RERE: variants seen among roughly 807,000 people sequenced by gnomAD.
The protein encoded by RERE is arginine-glutamic acid dipeptide repeats.
Under a neutral mutation model 146.1 loss-of-function variants are expected in RERE, and 40 were observed. The ratio of observed to expected loss-of-function variants is 0.27; its 90% CI spans 0.21 to 0.36. The LOEUF (loss-of-function observed/expected upper bound fraction) is 0.36, where lower values mean the gene tolerates loss of function less well. RERE is among the 10% of genes least tolerant of loss of function. RERE has a pLI of 1.00. For missense variants in RERE, 1,933 were observed against 2,138.7 expected, an observed-to-expected ratio of 0.90 and a Z score of 1.90; for synonymous variants, 1,003 against 866.0, an observed-to-expected ratio of 1.16 and a Z score of -2.78.
chr1:8,407,086 G>C (rs1643466078), intron 12 of RERE, among the ~76,000 whole-genome samples: 1 of 152,216 alleles, frequency 6.6e-6, no homozygotes, highest in African/African-American at 2.4e-5. Context: ...CAGTGTTTGG[G>C]GCAGGCATTC....
At chr1:8,686,770 A>G (rs1639097879) in intron 1 of RERE, among the ~76,000 whole-genome samples, 1 of 152,196 alleles carries the variant, frequency 6.6e-6, no homozygotes, top group Non-Finnish European at 1.5e-5. Flanking sequence ...ATAAAGGTGT[A>G]GTTTGTGATG....
At chr1:8,428,891 T>C (rs1338236874) in intron 11 of RERE, among the ~76,000 whole-genome samples, 1 of 152,174 alleles carries the variant, frequency 6.6e-6, no homozygotes, top group East Asian at 1.9e-4. Flanking sequence ...CCCCCTGTCA[T>C]AGTCCCCCAA....
At chr1:8,426,320 G>C (rs928935065) in intron 11 of RERE, among the ~76,000 whole-genome samples, 5 of 152,036 alleles carry the variant, frequency 3.3e-5, no homozygotes, top group African/African-American at 1.2e-4. Context: ...TGGGCATGGT[G>C]GTGGGCGCCT....
chr1:8,387,015 GAAT>G (rs1642701827), intron 12 of RERE, among the ~76,000 whole-genome samples: 3 of 152,228 alleles, frequency 2.0e-5, no homozygotes, highest in Admixed American at 2.0e-4. Context: ...TTTTAAAGAA[GAAT>G]AAAGTGCCAC....
chr1:8,400,967 A>C lies in RERE; in HGVS notation c.1284+21760T>G, dbSNP rs538353403. 2.5e-4 allele frequency among the ~76,000 whole-genome samples: 34 copies of C among 136,280 alleles called. No individual in the cohort carries two copies. In the East Asian group the frequency reaches 5.7e-3, roughly 23 times the overall value. The allele number at this position is 136,280 out of a possible 152,430, so 89.4% of individuals were successfully genotyped here. On this transcript the variant is annotated intron_variant, in intron 12 of 22. Transcript: ENST00000400908. ...CAGGAGGTTGAGGCTGCAGTGAGCC[A>C]TGACTGCACCACTGCACTCCAGCCT...
intron 1 of RERE, among the ~76,000 whole-genome samples, chr1:8,785,351 A>T (rs59092168): frequency 0.053 from 8,008 of 152,258 alleles, 222 homozygotes; most frequent in South Asian, 0.066. Flanking sequence ...ATACAATCAC[A>T]CCAAACACCA....
At chr1:8,736,402 T>C (rs995744669) in intron 1 of RERE, among the ~76,000 whole-genome samples, 1 of 151,898 alleles carries the variant, frequency 6.6e-6, no homozygotes, top group African/African-American at 2.4e-5. Context: ...AGAGACGGGG[T>C]TTCACCGTCT....
chr1:8,597,278 G>A (rs1350595050), intron 4 of RERE, among the ~76,000 whole-genome samples: 2 of 151,772 alleles, frequency 1.3e-5, no homozygotes, highest in Non-Finnish European at 2.9e-5. Flanking sequence ...TTATAGTGAC[G>A]GGGTTTTGCC....
chr1:8,461,631 T>G (rs1432333711), intron 11 of RERE, among the ~76,000 whole-genome samples: 1 of 152,148 alleles, frequency 6.6e-6, no homozygotes, highest in Non-Finnish European at 1.5e-5. Flanking sequence ...AGGAACATCA[T>G]ACACGCACAC....
At chr1:8,606,115 C>G (rs1646705842) in intron 4 of RERE, among the ~76,000 whole-genome samples, 1 of 152,020 alleles carries the variant, frequency 6.6e-6, no homozygotes, top group Non-Finnish European at 1.5e-5. Context: ...CACACCCAGC[C>G]AATACCAAAG....
chr1:8,656,262 C>CTCTTTG lies in RERE; in HGVS notation c.30_35dup (p.Asp10_Lys11dup), dbSNP rs3831914. The stretch of plus-strand genomic sequence containing the variant: ...GGTCCCGGTCTCGGTCCCGGTCCTT[C>CTCTTTG]TCTTTGTCTTTGTCTTTGTCTTTGT... On this transcript the variant is annotated inframe_insertion, in exon 2 of 23. Transcript: ENST00000400908. 7.4e-4 allele frequency: 1,182 copies of CTCTTTG among 1,605,066 alleles called. 1 individual carries two copies. Among genetic ancestry groups the CTCTTTG allele is most frequent in the African/African-American group, 3.2e-3 (238 of 74,946 alleles).
chr1:8,422,605 A>G, intron 12 of RERE, 122 bp downstream of exon 12: 1 of 678,540 alleles, frequency 1.5e-6, no homozygotes, highest in Non-Finnish European at 2.6e-6. Context: ...AGAATTCTGG[A>G]GGCCAGCCCG....
intron 1 of RERE, among the ~76,000 whole-genome samples, chr1:8,669,142 G>A (rs549956918): frequency 5.9e-4 from 88 of 150,070 alleles, no homozygotes; most frequent in Non-Finnish European, 6.2e-4. Context: ...GCGTGATCAC[G>A]GCTCACTGCA....
Position 8,654,924 on chromosome 1 carries a change from C to T in RERE, c.325+1049G>A, listed in dbSNP as rs532247449. Among the ~76,000 whole-genome samples, 66 of 151,816 alleles carry T rather than the reference C, an allele frequency of 4.3e-4. 1 individual carries two copies. The highest frequency in any genetic ancestry group is 2.6e-3 in the Admixed American group (39 of 15,260). ...AGTGCTGGGATTACACTGTGCCCAG[C>T]CTAAAAAAGGTGTCTTAATACACAC... is the stretch of plus-strand genomic sequence containing the variant. On this transcript the variant is annotated intron_variant, in intron 2 of 22. Transcript: ENST00000400908.
At chr1:8,623,542 G>A (rs1376174917) in intron 3 of RERE, among the ~76,000 whole-genome samples, 1 of 152,140 alleles carries the variant, frequency 6.6e-6, no homozygotes. Flanking sequence ...ACTGAAAACA[G>A]GCTGAAAAAT....
At chr1:8,595,693 A>T (rs1646547690) in intron 4 of RERE, among the ~76,000 whole-genome samples, 1 of 152,254 alleles carries the variant, frequency 6.6e-6, no homozygotes, top group African/African-American at 2.4e-5. Context: ...AAAGATCATT[A>T]GTAAAAATGA....
At chr1:8,416,773 T>C (rs1490815411) in intron 12 of RERE, among the ~76,000 whole-genome samples, 1 of 152,182 alleles carries the variant, frequency 6.6e-6, no homozygotes, top group Non-Finnish European at 1.5e-5. Flanking sequence ...TGATATACTA[T>C]GCAGGCTCAG....
In RERE at chr1:8,750,150, C is replaced by CAAAAAA. The variant is rs3045405; in HGVS notation, c.-145+67004_-145+67009dup. Among the ~76,000 whole-genome samples the CAAAAAA allele has an allele frequency of 5.9e-4, 57 of 96,120 alleles. 1 individual carries two copies. Among genetic ancestry groups the CAAAAAA allele is most frequent in the Admixed American group, 1.0e-3 (8 of 7,862 alleles). The allele number at this position is 96,120 out of a possible 152,430, so 63.1% of individuals were successfully genotyped here. A position where few individuals can be genotyped will look rare whatever the true frequency, so the allele number is the denominator to read the frequency against. ...TGGGTGACAGAACAAGCCTCTGTCT[C>CAAAAAA]AAAAAAAAAAAAAAAAAAAGAATGG... On this transcript the variant is annotated intron_variant, in intron 1 of 22. Coordinates refer to ENST00000400908, the MANE Select transcript of RERE (RefSeq NM_001042681.2).
At chr1:8,366,479 A>G (rs1641807818) in intron 12 of RERE, among the ~76,000 whole-genome samples, 1 of 152,156 alleles carries the variant, frequency 6.6e-6, no homozygotes, top group Non-Finnish European at 1.5e-5. Context: ...CCAACCAACC[A>G]AAGCAAACTG....
Sources: allele counts gnomAD v4.1 joint callset (sites outside exome capture counted in the v4.1 genomes callset), GRCh38; gene constraint gnomAD v4.1.1; transcripts MANE v1.5; gene names NCBI Gene and HGNC (gene_info 2026-07-23, HGNC 2026-07-21).